DHX35: variants seen among roughly 807,000 people sequenced by gnomAD.
DHX35 encodes the protein DEAH-box helicase 35, also known as probable ATP-dependent RNA helicase DHX35.
DHX35 carries 84 observed loss-of-function variants against 99.6 expected under a neutral mutation model. That is an observed-to-expected ratio of 0.84 (90% CI 0.71 to 1.01). The LOEUF (loss-of-function observed/expected upper bound fraction) is 1.01. Among genes scored for constraint, DHX35 ranks in the 50% least tolerant of loss-of-function variants. The pLI, the probability that DHX35 is intolerant of heterozygous loss-of-function variation, is 0.00. For synonymous variants in DHX35, 331 were observed against 316.2 expected (o/e 1.05, Z -0.50); for missense variants, 852 against 888.5 (o/e 0.96, Z 0.52).
intron 1 of DHX35, among the ~76,000 whole-genome samples, chr20:38,965,056 C>T (rs1352518798): frequency 1.3e-5 from 2 of 151,986 alleles, no homozygotes; most frequent in Non-Finnish European, 2.9e-5. Context: ...TTGCACCTCA[C>T]ACCAATAAAT....
chr20:39,001,954 T>G, intron 9 of DHX35, 112 bp downstream of exon 9: 1 of 869,068 alleles, frequency 1.2e-6, no homozygotes. Context: ...GAGCATGTTT[T>G]GTGTCCCTAG....
At chr20:39,019,842 C>T (rs985976898) in intron 15 of DHX35, among the ~76,000 whole-genome samples, 1 of 152,192 alleles carries the variant, frequency 6.6e-6, no homozygotes, top group Non-Finnish European at 1.5e-5. Flanking sequence ...CTAACTGAAA[C>T]TTTGTACCCT....
Position 39,010,391 on chromosome 20 carries a change from T to A in DHX35, c.1334T>A (p.Phe445Tyr), listed in dbSNP as rs2086683610. 1 of 1,614,032 alleles carries A rather than the reference T, an allele frequency of 6.2e-7. No individual in the cohort carries two copies. The highest frequency in any genetic ancestry group is 1.3e-5 in the African/African-American group (1 of 74,938). ...KALGIDNVLR[F>Y]HFMSPPPAQS... The stretch of plus-strand genomic sequence containing the variant: ...CTAGGAATTGACAATGTCCTCAGGT[T>A]CCACTTCATGTCGGTAAGTCCTGCC... The change falls in exon 13 of 22, where the codon TTC becomes TAC. Residue 445 changes from phenylalanine to tyrosine, a missense_variant. Transcript: ENST00000252011.
At chr20:38,962,600 G>C in intron 1 of DHX35, 193 bp downstream of exon 1, 1 of 641,390 alleles carries the variant, frequency 1.6e-6, no homozygotes, top group Non-Finnish European at 2.6e-6. Flanking sequence ...TGCTCCCCTA[G>C]CGTGAGCAGA....
At chr20:39,028,363 C>G in intron 18 of DHX35, 55 bp from the exon 19 acceptor site, 2 of 1,559,290 alleles carry the variant, frequency 1.3e-6, no homozygotes. Flanking sequence ...TTAGAGCACA[C>G]GGAGCCTAGG....
intron 21 of DHX35, among the ~76,000 whole-genome samples, chr20:39,038,210 C>T (rs938834830): frequency 1.3e-5 from 2 of 152,204 alleles, no homozygotes; most frequent in Non-Finnish European, 2.9e-5. Context: ...GAGGGAGAGT[C>T]GTGTCTCAAA....
intron 5 of DHX35, among the ~76,000 whole-genome samples, chr20:38,989,973 T>C (rs939224345): frequency 2.0e-5 from 3 of 152,178 alleles, no homozygotes; most frequent in African/African-American, 7.2e-5. Flanking sequence ...AAATTGAAAA[T>C]CAGATGAGCT....
At chr20:39,018,768 C>T (rs766027237) in intron 14 of DHX35, 36 bp from the exon 15 acceptor site, 2 of 1,595,688 alleles carry the variant, frequency 1.3e-6, no homozygotes, top group Admixed American at 1.7e-5. Context: ...CACAATGGTA[C>T]CTGCCTTCTG....
chr20:38,987,729 A>G (rs1316822268), intron 4 of DHX35, among the ~76,000 whole-genome samples: 4 of 151,846 alleles, frequency 2.6e-5, no homozygotes, highest in African/African-American at 9.7e-5. Context: ...TGATGGATGA[A>G]ATTTTGTCTA....
At chr20:38,970,540 T>A (rs1178305262) in intron 2 of DHX35, among the ~76,000 whole-genome samples, 2 of 152,232 alleles carry the variant, frequency 1.3e-5, no homozygotes, top group Admixed American at 1.3e-4. Flanking sequence ...GTCCGGACTC[T>A]GGAGCTAGAC....
Position 39,022,304 on chromosome 20 carries a change from G to A in DHX35, c.1593+369G>A, listed in dbSNP as rs191988481. On this transcript the variant is annotated intron_variant, in intron 16 of 21. Coordinates refer to ENST00000252011, the MANE Select transcript of DHX35 (RefSeq NM_021931.4). ...CTCCCATGTAGCTAGGATTACAAGCGTGCTCCACCACGCCCGGCTAATTTT... is the reference window on the plus strand; with the variant it reads ...CTCCCATGTAGCTAGGATTACAAGCATGCTCCACCACGCCCGGCTAATTTT... Among the ~76,000 whole-genome samples the A allele has an allele frequency of 8.2e-4, 125 of 152,142 alleles. 1 individual carries two copies. The highest frequency in any genetic ancestry group is 2.9e-3 in the African/African-American group (119 of 41,504).
At position 38,994,949 on chromosome 20, in the gene DHX35, TAC is replaced by T. The variant is rs2086403540; in HGVS notation, c.642+70_642+71del. 6 of 1,376,476 alleles carry T rather than the reference TAC, an allele frequency of 4.4e-6. No individual in the cohort carries two copies. The African/African-American group carries it at 8.5e-5, about 20-fold the overall frequency. The allele number at this position is 1,376,476 out of a possible 1,614,324, so 85.3% of individuals were successfully genotyped here. ...TTTGTCCTATATATCCTTGGGAAGT[TAC>T]CTCTAGCAAGAGCTTATCTTTGGCA... On this transcript the variant is annotated intron_variant, in intron 8 of 21. Coordinates refer to ENST00000252011, the MANE Select transcript of DHX35 (RefSeq NM_021931.4).
chr20:38,976,047 T>C (rs1459126113), intron 3 of DHX35, among the ~76,000 whole-genome samples: 1 of 152,162 alleles, frequency 6.6e-6, no homozygotes, highest in Non-Finnish European at 1.5e-5. Flanking sequence ...GCTGTGTTAC[T>C]AAGTCCAGGG....
At chr20:39,015,579 G>T (rs757684051) in intron 14 of DHX35, among the ~76,000 whole-genome samples, 1 of 152,052 alleles carries the variant, frequency 6.6e-6, no homozygotes, top group Admixed American at 6.5e-5. Context: ...TTCTGTGATT[G>T]GTACCACAAA....
At chr20:38,974,337 T>C (rs187788406) in intron 3 of DHX35, among the ~76,000 whole-genome samples, 31 of 152,282 alleles carry the variant, frequency 2.0e-4, no homozygotes, top group African/African-American at 7.2e-4. Flanking sequence ...GAGAACAATT[T>C]ACAATTTTAG....
chr20:39,008,637 G>C (rs181569532), intron 12 of DHX35, among the ~76,000 whole-genome samples: 10 of 152,276 alleles, frequency 6.6e-5, no homozygotes, highest in Non-Finnish European at 2.9e-5. Flanking sequence ...GTATTGCTTT[G>C]AACAGGGTAC....
At position 39,002,822 on chromosome 20, in the gene DHX35, A is replaced by G. The variant is rs538069568; in HGVS notation, c.806A>G (p.His269Arg). 2 of 1,614,196 alleles carry G rather than the reference A, an allele frequency of 1.2e-6. No homozygotes were observed. Among genetic ancestry groups the G allele is most frequent in the South Asian group, 1.1e-5 (1 of 91,082 alleles). ...ACTGTCGAAACTGTGGTGAAAATTC[A>G]CCAGACAGAGGGAGACGGAGACGTT... ...KSTVETVVKI[H>R]QTEGDGDVLA... The change falls in exon 10 of 22, where the codon CAC (histidine) becomes CGC (arginine). Residue 269 changes from histidine (H) to arginine (R), a missense_variant. Coordinates refer to ENST00000252011, the MANE Select transcript of DHX35 (RefSeq NM_021931.4).
chr20:39,003,056 G>T (rs2086548028), intron 10 of DHX35, among the ~76,000 whole-genome samples, 188 bp downstream of exon 10: 1 of 152,196 alleles, frequency 6.6e-6, no homozygotes, highest in Non-Finnish European at 1.5e-5. Flanking sequence ...GTTAGCCCCT[G>T]CCTGTTCTGT....
At chr20:38,966,129 T>C (rs1016254559) in intron 1 of DHX35, among the ~76,000 whole-genome samples, 4 of 152,200 alleles carry the variant, frequency 2.6e-5, no homozygotes, top group Non-Finnish European at 5.9e-5. Context: ...AAAAACCAAG[T>C]TAAAGGGAAT....
Sources: allele counts gnomAD v4.1 joint callset (sites outside exome capture counted in the v4.1 genomes callset), GRCh38; gene constraint gnomAD v4.1.1; transcripts MANE v1.5; gene names NCBI Gene and HGNC (gene_info 2026-07-23, HGNC 2026-07-21).